SPNS3: variants seen among roughly 807,000 people sequenced by gnomAD.
The protein encoded by SPNS3 is SPNS lysolipid transporter 3, sphingosine-1-phosphate (putative), also known as protein spinster homolog 3.
A neutral mutation model predicts 54.4 loss-of-function variants in SPNS3; 51 were observed. That is an observed-to-expected ratio of 0.94 (90% CI 0.75 to 1.18). The LOEUF (loss-of-function observed/expected upper bound fraction) is 1.18. SPNS3 is among the 50% of genes most tolerant of loss of function. SPNS3 has a pLI of 0.00. For synonymous variants in SPNS3, 309 were observed against 294.7 expected (o/e 1.05, Z -0.50); for missense variants, 669 against 677.4 (o/e 0.99, Z 0.14).
intron 2 of SPNS3, among the ~76,000 whole-genome samples, chr17:4,439,946 G>A (rs1468666004): frequency 6.6e-6 from 1 of 152,204 alleles, no homozygotes; most frequent in African/African-American, 2.4e-5. Flanking sequence ...AGAGCAGGGG[G>A]AGGTGGGGCT....
In SPNS3 at chr17:4,445,166, C is replaced by A. The variant is rs781202155; in HGVS notation, c.400C>A (p.Arg134=). 1.9e-6 allele frequency: 3 copies of A among 1,611,986 alleles called. No homozygotes were observed. Among genetic ancestry groups the A allele is most frequent in the Non-Finnish European group, 2.5e-6 (3 of 1,178,612 alleles). Residue 134 remains arginine (R), a splice_region_variant and synonymous_variant, in exon 3 of 12, where the codon CGG becomes AGG. Coordinates refer to ENST00000355530, the MANE Select transcript of SPNS3 (RefSeq NM_182538.5). ...AGLSSSFISP[R]YSWLFFLSRG... ...CCTCTCTAGCTCCTTCATCTCCCCC[C>A]GGGTACGTGTCCATGCCCCTGTCCA...
At chr17:4,479,376 G>A (rs756168804) in intron 9 of SPNS3, among the ~76,000 whole-genome samples, 15 of 152,320 alleles carry the variant, frequency 9.8e-5, no homozygotes, top group Admixed American at 3.9e-4. Context: ...ACACCAGCTC[G>A]TGTGTCACAG....
intron 2 of SPNS3, among the ~76,000 whole-genome samples, chr17:4,441,573 A>G (rs1411058488): frequency 6.6e-6 from 1 of 152,052 alleles, no homozygotes; most frequent in Non-Finnish European, 1.5e-5. Context: ...GGTTTAGTCA[A>G]CATTTCCCTT....
chr17:4,485,409 T>A (rs541660802), intron 9 of SPNS3, among the ~76,000 whole-genome samples: 23 of 151,962 alleles, frequency 1.5e-4, no homozygotes, highest in East Asian at 1.4e-3. Flanking sequence ...TATTTTTTTT[T>A]TTTTTGAGAT....
intron 1 of SPNS3, among the ~76,000 whole-genome samples, chr17:4,438,791 G>A (rs1271438116): frequency 6.6e-6 from 1 of 152,264 alleles, no homozygotes; most frequent in Non-Finnish European, 1.5e-5. Context: ...AGCGACAGGG[G>A]GCTGCCGCTC....
At chr17:4,440,361 C>T (rs1258311425) in intron 2 of SPNS3, among the ~76,000 whole-genome samples, 2 of 152,204 alleles carry the variant, frequency 1.3e-5, no homozygotes, top group Admixed American at 6.5e-5. Flanking sequence ...ACGTGATACG[C>T]CTGTGCACAC....
At chr17:4,472,842 G>A (rs979212096) in intron 8 of SPNS3, among the ~76,000 whole-genome samples, 3 of 131,702 alleles carry the variant, frequency 2.3e-5, no homozygotes, top group African/African-American at 8.6e-5. Flanking sequence ...GGAGTGCAGT[G>A]CAGTGGTGTG....
chr17:4,434,738 C>T (rs1482958426), intron 1 of SPNS3, among the ~76,000 whole-genome samples: 1 of 151,362 alleles, frequency 6.6e-6, no homozygotes, highest in Non-Finnish European at 1.5e-5. Context: ...GAACTCCTGA[C>T]CTCAGGTGAT....
rs756088907 is a variant in SPNS3, at chr17:4,446,186, A to G, written c.541A>G (p.Ile181Val). The change falls in exon 4 of 12, where the codon ATC (isoleucine) becomes GTC (valine). Residue 181 changes from isoleucine to valine, a missense_variant. By Grantham distance (29) the Ile-to-Val change is conservative. Coordinates refer to ENST00000355530, the MANE Select transcript of SPNS3 (RefSeq NM_182538.5). ...CGTGCTGGCTGTCTTCTACATCTTT[A>G]TCCCCGTTGGAAGGTTGGTATCACC... is the stretch of plus-strand genomic sequence containing the variant. ...TRVLAVFYIF[I>V]PVGSGLGYVL... The G allele has an allele frequency of 6.2e-7, 1 of 1,610,470 alleles. No homozygotes were observed. Among genetic ancestry groups the G allele is most frequent in the Non-Finnish European group, 8.5e-7 (1 of 1,177,440 alleles).
intron 7 of SPNS3, among the ~76,000 whole-genome samples, chr17:4,451,397 G>A (rs771102091): frequency 1.1e-4 from 16 of 151,492 alleles, no homozygotes; most frequent in East Asian, 7.9e-4. Context: ...GACTACAGGC[G>A]CACACCACCA....
Position 4,480,480 on chromosome 17 carries a change from G to C in SPNS3, c.1179+1843G>C, listed in dbSNP as rs1244975282. Among the ~76,000 whole-genome samples, 12 of 152,232 alleles carry C rather than the reference G, an allele frequency of 7.9e-5. 1 individual carries two copies. Among genetic ancestry groups the C allele is most frequent in the Admixed American group, 7.2e-4 (11 of 15,286 alleles). On this transcript the variant is annotated intron_variant, in intron 9 of 11. Transcript: ENST00000355530. ...GGTTCTCTCTGAGGTGGTCCAAACA[G>C]AGCTGCACCTGCCCCCACAGCTTCC...
At chr17:4,469,018 C>T (rs1260975272) in intron 8 of SPNS3, among the ~76,000 whole-genome samples, 1 of 151,826 alleles carries the variant, frequency 6.6e-6, no homozygotes, top group Non-Finnish European at 1.5e-5. Flanking sequence ...GAACTCCTGA[C>T]CTCAGGTGAT....
chr17:4,476,341 G>C (rs1030156079), intron 8 of SPNS3, among the ~76,000 whole-genome samples: 1 of 152,208 alleles, frequency 6.6e-6, no homozygotes, highest in African/African-American at 2.4e-5. Flanking sequence ...CCTCTGATGG[G>C]CTCTATTTTG....
At chr17:4,434,753 C>A (rs947893347) in intron 1 of SPNS3, among the ~76,000 whole-genome samples, 2 of 151,522 alleles carry the variant, frequency 1.3e-5, no homozygotes, top group Non-Finnish European at 2.9e-5. Context: ...GGTGATCCAC[C>A]CGCCTCGGCC....
rs1320829468 is a variant in SPNS3 at position 4,483,129 on chromosome 17, T to C, written c.1180-3099T>C. ...GTAGCTGTCTGCTCACTGGCCTGTC[T>C]CACCCTCTCAGGGGCGTCTGGGGGC... On this transcript the variant is annotated intron_variant, in intron 9 of 11. Coordinates refer to ENST00000355530, the MANE Select transcript of SPNS3 (RefSeq NM_182538.5). The surrounding 1 kb of genome is among the most constrained non-coding windows in gnomAD (Gnocchi z 4.2). Among the ~76,000 whole-genome samples the C allele has an allele frequency of 6.6e-6, 1 of 152,164 alleles. No homozygotes were observed. Among genetic ancestry groups the C allele is most frequent in the Admixed American group, 6.5e-5 (1 of 15,280 alleles).
At chr17:4,452,181 C>G (rs905381636) in intron 7 of SPNS3, among the ~76,000 whole-genome samples, 1 of 152,052 alleles carries the variant, frequency 6.6e-6, no homozygotes, top group African/African-American at 2.4e-5. Context: ...ACTGTGGCCT[C>G]GAACTTCTGA....
chr17:4,442,551 G>C (rs988323580), intron 2 of SPNS3, among the ~76,000 whole-genome samples: 2 of 151,722 alleles, frequency 1.3e-5, no homozygotes, highest in African/African-American at 4.8e-5. Context: ...CAAAAAAAGA[G>C]AAGAGGAGTG....
chr17:4,472,169 T>G (rs760385017), intron 8 of SPNS3, among the ~76,000 whole-genome samples: 30 of 152,306 alleles, frequency 2.0e-4, no homozygotes, highest in Admixed American at 7.2e-4. Flanking sequence ...AAGTTGGATT[T>G]TTTTCTCCTT....
chr17:4,472,044 A>T (rs1204027858), intron 8 of SPNS3, among the ~76,000 whole-genome samples: 1 of 151,512 alleles, frequency 6.6e-6, no homozygotes, highest in Non-Finnish European at 1.5e-5. Context: ...TTTTTAGTAG[A>T]GATGGGGTTT....
Sources: gnomAD v4.1 joint callset for allele counts (sites outside exome capture counted in the v4.1 genomes callset) on GRCh38, gnomAD v4.1.1 for gene constraint, Gnocchi (gnomAD v3.1) non-coding constraint, MANE v1.5 for transcripts, NCBI Gene and HGNC (gene_info 2026-07-23, HGNC 2026-07-21) for gene names.